The following ITGB8 variants were observed in gnomAD, a reference collection of about 807,000 sequenced individuals.
The protein encoded by ITGB8 is integrin subunit beta 8.
In ITGB8, 30 loss-of-function variants were observed where a neutral mutation model predicts 89.5. That is an observed-to-expected ratio of 0.34 (90% CI 0.25 to 0.45). The LOEUF is 0.45. Among genes scored for constraint, ITGB8 ranks in the 20% least tolerant of loss-of-function variants. The pLI is 1.00. For synonymous variants in ITGB8, 335 were observed against 320.4 expected, an observed-to-expected ratio of 1.05 and a Z score of -0.49; for missense variants, 836 against 933.3, an observed-to-expected ratio of 0.90 and a Z score of 1.36.
intron 3 of ITGB8, among the ~76,000 whole-genome samples, chr7:20,370,770 C>A (rs1014674321): frequency 6.6e-6 from 1 of 152,088 alleles, no homozygotes; most frequent in Non-Finnish European, 1.5e-5. Flanking sequence ...GCCACCATGC[C>A]TGGCAAATTT....
At chr7:20,409,536 G>C (rs1375411353) in intron 12 of ITGB8, 79 bp from the exon 13 acceptor site, 2 of 918,150 alleles carry the variant, frequency 2.2e-6, no homozygotes, top group Admixed American at 5.3e-5. Flanking sequence ...TAATTGAAGT[G>C]TGAACATTAT....
chr7:20,409,319 T>C (rs562911301), intron 12 of ITGB8, among the ~76,000 whole-genome samples: 2 of 152,250 alleles, frequency 1.3e-5, no homozygotes, highest in Non-Finnish European at 2.9e-5. Flanking sequence ...CATGGACATA[T>C]TCCAGTTAAT....
rs1473744407 is a variant in ITGB8 at position 20,410,809 on chromosome 7, T to C, written c.*812T>C. The C allele has an allele frequency of 6.6e-6, 1 of 152,662 alleles. No homozygotes were observed. Among genetic ancestry groups the C allele is most frequent in the Non-Finnish European group, 1.5e-5 (1 of 68,040 alleles). The allele number at this position is 152,662 out of a possible 1,614,324, so 9.5% of individuals were successfully genotyped here. A position where few individuals can be genotyped will look rare whatever the true frequency, so the allele number is the denominator to read the frequency against. On this transcript the variant is annotated 3_prime_UTR_variant, in exon 14 of 14. Coordinates refer to ENST00000222573, the MANE Select transcript of ITGB8 (RefSeq NM_002214.3). The stretch of plus-strand genomic sequence containing the variant: ...AGCTGAATGTTAATAGGGGACACTG[T>C]AAAGTATCATCAAAACCTGAATAGC...
At chr7:20,344,946 C>T (rs764529571) in intron 1 of ITGB8, among the ~76,000 whole-genome samples, 3 of 152,100 alleles carry the variant, frequency 2.0e-5, no homozygotes, top group Non-Finnish European at 4.4e-5. Flanking sequence ...ATGGAGCTTT[C>T]GTTCTAATGG....
intron 8 of ITGB8, among the ~76,000 whole-genome samples, chr7:20,398,402 T>C (rs901410428): frequency 1.3e-5 from 2 of 152,218 alleles, no homozygotes; most frequent in Non-Finnish European, 1.5e-5. Flanking sequence ...ATCATGATAG[T>C]CTCAATTGTT....
chr7:20,401,694 A>G, intron 9 of ITGB8, 27 bp from the exon 10 acceptor site: 1 of 1,364,322 alleles, frequency 7.3e-7, no homozygotes. Context: ...GTATATAAAT[A>G]TATTTCCTTT....
intron 3 of ITGB8, among the ~76,000 whole-genome samples, chr7:20,373,807 A>G (rs1022972096): frequency 6.6e-6 from 1 of 152,128 alleles, no homozygotes; most frequent in Non-Finnish European, 1.5e-5. Flanking sequence ...TTGGTTTTAA[A>G]ATTTCATCTT....
chr7:20,363,453 T>C (rs567435783), intron 1 of ITGB8, among the ~76,000 whole-genome samples, 184 bp from the exon 2 acceptor site: 1 of 152,228 alleles, frequency 6.6e-6, no homozygotes, highest in African/African-American at 2.4e-5. Context: ...ATCTATTAAT[T>C]ACAATGAGCC....
At chr7:20,353,156 T>G (rs1049664044) in intron 1 of ITGB8, 4 of 152,236 alleles carry the variant, frequency 2.6e-5, no homozygotes, top group Non-Finnish European at 5.9e-5. Flanking sequence ...GGCAGACTAA[T>G]GGAATGCATT....
rs988138999 is a variant in ITGB8, at chr7:20,379,363, A to C, written c.635+66A>C. Reference sequence around the variant, plus strand: ...GCTTATAAAATCTCACTTTGTTTTTAATGTAAAGAACTTACCAAATTTTAT... The same window carrying C: ...GCTTATAAAATCTCACTTTGTTTTTCATGTAAAGAACTTACCAAATTTTAT... On this transcript the variant is annotated intron_variant, in intron 4 of 13. Transcript: ENST00000222573. The C allele has an allele frequency of 6.2e-6, 7 of 1,136,336 alleles. No individual in the cohort carries two copies. The African/African-American group carries it at 1.1e-4, about 18-fold the overall frequency. The allele number at this position is 1,136,336 out of a possible 1,614,324, so 70.4% of individuals were successfully genotyped here.
At chr7:20,405,982 C>CTT in intron 11 of ITGB8, 80 bp from the exon 12 acceptor site, 3 of 828,148 alleles carry the variant, frequency 3.6e-6, no homozygotes, top group Non-Finnish European at 6.0e-6. Flanking sequence ...GTTATTTTGT[C>CTT]TTTTTTTTTC....
chr7:20,387,862 A>G (rs1347555174), intron 6 of ITGB8, among the ~76,000 whole-genome samples: 3 of 152,214 alleles, frequency 2.0e-5, no homozygotes, highest in Admixed American at 1.3e-4. Context: ...TTTCATCTCT[A>G]AATAAATGTC....
chr7:20,367,311 G>C, intron 3 of ITGB8, 125 bp downstream of exon 3: 1 of 740,748 alleles, frequency 1.3e-6, no homozygotes, highest in Non-Finnish European at 2.3e-6. Flanking sequence ...AGTGGACTCA[G>C]AATCAAGAAA....
intron 1 of ITGB8, among the ~76,000 whole-genome samples, chr7:20,343,681 T>C (rs918596442): frequency 6.6e-6 from 1 of 152,238 alleles, no homozygotes; most frequent in Non-Finnish European, 1.5e-5. Context: ...TAATGTCCTG[T>C]CTCTTTTGAC....
At chr7:20,330,778 C>G (rs1784350299), upstream of ITGB8, 1 of 152,196 alleles carries the variant, frequency 6.6e-6, no homozygotes, top group South Asian at 2.1e-4. Flanking sequence ...CCTAGCAACT[C>G]TCTGCCCTGA....
intron 1 of ITGB8, chr7:20,353,334 TATAA>T (rs1410313035): frequency 6.6e-6 from 1 of 152,178 alleles, no homozygotes; most frequent in Non-Finnish European, 1.5e-5. Flanking sequence ...AAAGATTATA[TATAA>T]TAAAAGCCTT....
chr7:20,386,383 C>T (rs1341996917), intron 6 of ITGB8, among the ~76,000 whole-genome samples: 9 of 147,750 alleles, frequency 6.1e-5, no homozygotes, highest in South Asian at 2.2e-4. Context: ...GGACTACAGG[C>T]GCGTGCCACC....
intron 12 of ITGB8, among the ~76,000 whole-genome samples, chr7:20,407,436 C>T (rs982099359): frequency 2.6e-5 from 4 of 152,012 alleles, no homozygotes; most frequent in Non-Finnish European, 2.9e-5. Context: ...TGGAACTCCA[C>T]GGGCATTAGA....
At chr7:20,378,225 T>A (rs1786232935) in intron 3 of ITGB8, among the ~76,000 whole-genome samples, 1 of 152,178 alleles carries the variant, frequency 6.6e-6, no homozygotes, top group Non-Finnish European at 1.5e-5. Context: ...AAATTGTAGT[T>A]CCCTGCGGGG....
Sources: gnomAD v4.1 joint callset for allele counts (sites outside exome capture counted in the v4.1 genomes callset) on GRCh38, gnomAD v4.1.1 for gene constraint, MANE v1.5 for transcripts, NCBI Gene and HGNC (gene_info 2026-07-23, HGNC 2026-07-21) for gene names.